The following CACNA2D1 variants were observed in gnomAD, a reference collection of about 807,000 sequenced individuals.
The protein encoded by CACNA2D1 is voltage-dependent calcium channel subunit alpha-2/delta-1.
Under a neutral mutation model 171.5 loss-of-function variants are expected in CACNA2D1, and 53 were observed. The observed-to-expected ratio is 0.31, with a 90% CI of 0.25 to 0.39. The LOEUF is 0.39. Among genes scored for constraint, CACNA2D1 ranks in the 10% least tolerant of loss-of-function variants. CACNA2D1 has a pLI of 1.00. For synonymous variants in CACNA2D1, 442 were observed against 443.1 expected (o/e 1.00, Z 0.03); for missense variants, 903 against 1,299.8 (o/e 0.69, Z 4.69).
chr7:81,986,293 G>A (rs1449054327), intron 21 of CACNA2D1, among the ~76,000 whole-genome samples: 2 of 152,220 alleles, frequency 1.3e-5, no homozygotes, highest in East Asian at 3.9e-4. Context: ...TCAAATTTTA[G>A]TAATGTGCAG....
chr7:82,415,508 C>T (rs866958881), intron 1 of CACNA2D1, among the ~76,000 whole-genome samples: 25 of 151,532 alleles, frequency 1.6e-4, no homozygotes, highest in Admixed American at 5.3e-4. Context: ...CTAGCCTGGG[C>T]GACAAGAGTG....
At chr7:82,414,034 A>C (rs1253546884) in intron 1 of CACNA2D1, among the ~76,000 whole-genome samples, 1 of 152,200 alleles carries the variant, frequency 6.6e-6, no homozygotes, top group African/African-American at 2.4e-5. Context: ...TTTATGTAGC[A>C]AAATCATAGC....
chr7:82,217,051 C>G lies in CACNA2D1; in HGVS notation c.295-46442G>C, dbSNP rs375356098. Among the ~76,000 whole-genome samples, 42 of 151,964 alleles carry G rather than the reference C, an allele frequency of 2.8e-4. 1 individual carries two copies. The East Asian group carries it at 2.9e-3, about 11-fold the overall frequency. Reference sequence around the variant, plus strand: ...TGCCAAATTTATAAGGTGCTGTTTCCTTTATTTTCATAATGTCTTTGACCA... The same window carrying G: ...TGCCAAATTTATAAGGTGCTGTTTCGTTTATTTTCATAATGTCTTTGACCA... On this transcript the variant is annotated intron_variant, in intron 3 of 38. Transcript: ENST00000356860.
At chr7:82,094,302 A>G (rs1337721660) in intron 6 of CACNA2D1, among the ~76,000 whole-genome samples, 7 of 152,218 alleles carry the variant, frequency 4.6e-5, no homozygotes, top group Non-Finnish European at 7.3e-5. Flanking sequence ...ATCATAATAT[A>G]TAAAGGTATG....
intron 15 of CACNA2D1, among the ~76,000 whole-genome samples, chr7:82,008,089 T>G (rs866112736): frequency 4.5e-4 from 68 of 152,250 alleles, no homozygotes; most frequent in African/African-American, 1.6e-3. Flanking sequence ...TTCATAGTGA[T>G]AGTTCACCTA....
At chr7:82,077,255 C>A (rs748887053) in intron 7 of CACNA2D1, among the ~76,000 whole-genome samples, 1 of 152,146 alleles carries the variant, frequency 6.6e-6, no homozygotes, top group African/African-American at 2.4e-5. Flanking sequence ...AGTACAGCCC[C>A]CTGCCATTTA....
At chr7:82,058,892 A>T (rs1389550861) in intron 10 of CACNA2D1, among the ~76,000 whole-genome samples, 1 of 152,138 alleles carries the variant, frequency 6.6e-6, no homozygotes, top group African/African-American at 2.4e-5. Context: ...GTGTTTTGCC[A>T]GGAACCTTGC....
chr7:82,053,638 G>C (rs890546863), intron 10 of CACNA2D1, among the ~76,000 whole-genome samples: 3 of 152,102 alleles, frequency 2.0e-5, no homozygotes, highest in Non-Finnish European at 4.4e-5. Flanking sequence ...CCAGTAATAC[G>C]TATCTCCAGA....
chr7:82,411,409 G>A (rs1827642824), intron 1 of CACNA2D1, among the ~76,000 whole-genome samples: 1 of 152,034 alleles, frequency 6.6e-6, no homozygotes, highest in Admixed American at 6.6e-5. Flanking sequence ...TTATAGAATT[G>A]AGACCAGAAT....
At chr7:82,308,415 A>G (rs1563344429) in intron 3 of CACNA2D1, among the ~76,000 whole-genome samples, 1 of 152,212 alleles carries the variant, frequency 6.6e-6, no homozygotes, top group South Asian at 2.1e-4. Context: ...TGGGTAACCT[A>G]TCTTCCTCAT....
chr7:81,999,763 C>A (rs1173219690), intron 18 of CACNA2D1, among the ~76,000 whole-genome samples: 2 of 151,980 alleles, frequency 1.3e-5, no homozygotes, highest in African/African-American at 4.8e-5. Flanking sequence ...AAGAAACATG[C>A]AAGGACAGTA....
chr7:82,071,850 A>G (rs1027693823), intron 7 of CACNA2D1, among the ~76,000 whole-genome samples: 1 of 152,114 alleles, frequency 6.6e-6, no homozygotes, highest in Non-Finnish European at 1.5e-5. Context: ...TGACTCTTCA[A>G]TCACTCTTGT....
At chr7:82,035,846 G>A (rs138131226) in intron 11 of CACNA2D1, among the ~76,000 whole-genome samples, 107 of 152,084 alleles carry the variant, frequency 7.0e-4, no homozygotes, top group Middle Eastern at 3.4e-3. Context: ...TTAATCTAAC[G>A]GTTAATTACA....
intron 5 of CACNA2D1, among the ~76,000 whole-genome samples, chr7:82,132,639 G>A (rs1490227414): frequency 1.3e-5 from 2 of 152,162 alleles, no homozygotes; most frequent in African/African-American, 4.8e-5. Flanking sequence ...GCTACACTGA[G>A]GAAAGCAGAG....
chr7:82,144,543 A>G (rs1033806522), intron 4 of CACNA2D1, among the ~76,000 whole-genome samples: 2 of 151,982 alleles, frequency 1.3e-5, no homozygotes, highest in East Asian at 3.9e-4. Flanking sequence ...GGCATGAAAT[A>G]TTTTTTCACC....
At chr7:82,040,460 A>AAAAC (rs1554367613) in intron 10 of CACNA2D1, among the ~76,000 whole-genome samples, 2 of 146,648 alleles carry the variant, frequency 1.4e-5, no homozygotes, top group Non-Finnish European at 3.0e-5. Context: ...TTCAAAAAAA[A>AAAAC]AAAAAAAAAA....
At chr7:81,964,979 A>G (rs1330965299) in intron 32 of CACNA2D1, among the ~76,000 whole-genome samples, 1 of 151,918 alleles carries the variant, frequency 6.6e-6, no homozygotes, top group African/African-American at 2.4e-5. Context: ...ATGAGAGAGC[A>G]GGCTGGCCTA....
At chr7:81,970,898 A>G (rs1795197760) in intron 26 of CACNA2D1, 161 bp from the exon 27 acceptor site, 1 of 604,640 alleles carries the variant, frequency 1.7e-6, no homozygotes. Flanking sequence ...TTAAATTTGT[A>G]CTTGAAGGAT....
intron 3 of CACNA2D1, among the ~76,000 whole-genome samples, chr7:82,178,543 T>C (rs767622485): frequency 1.3e-5 from 2 of 152,102 alleles, no homozygotes; most frequent in Non-Finnish European, 2.9e-5. Flanking sequence ...AATCCCACCA[T>C]CATCCAAAGA....
Sources: allele counts gnomAD v4.1 joint callset (sites outside exome capture counted in the v4.1 genomes callset), GRCh38; gene constraint gnomAD v4.1.1; transcripts MANE v1.5; gene names NCBI Gene and HGNC (gene_info 2026-07-23, HGNC 2026-07-21).